The following PLCXD3 variants were observed in gnomAD, a reference collection of about 807,000 sequenced individuals.
The protein encoded by PLCXD3 is phosphatidylinositol specific phospholipase C X domain containing 3, also known as PI-PLC X domain-containing protein 3.
A neutral mutation model predicts 25.5 loss-of-function variants in PLCXD3; 19 were observed. The observed-to-expected ratio is 0.75, with a 90% CI of 0.52 to 1.09. The LOEUF (loss-of-function observed/expected upper bound fraction) is 1.09. Among genes scored for constraint, PLCXD3 ranks in the 50% least tolerant of loss-of-function variants. The pLI, the probability that PLCXD3 is intolerant of heterozygous loss-of-function variation, is 0.00. For missense variants in PLCXD3, 411 were observed against 388.1 expected (o/e 1.06, Z -0.50); for synonymous variants, 174 against 137.6 (o/e 1.26, Z -1.85).
intron 1 of PLCXD3, among the ~76,000 whole-genome samples, chr5:41,488,331 T>C (rs1452105007): frequency 2.3e-5 from 3 of 132,026 alleles, no homozygotes; most frequent in Non-Finnish European, 4.7e-5. Context: ...TCTATCATTG[T>C]TGGACATTTG....
intron 2 of PLCXD3, among the ~76,000 whole-genome samples, chr5:41,364,835 G>A (rs1744890519): frequency 6.6e-6 from 1 of 152,200 alleles, no homozygotes; most frequent in Non-Finnish European, 1.5e-5. Context: ...TACTTCATTT[G>A]ATGTGTACTT....
At chr5:41,393,859 G>A (rs1420772401) in intron 1 of PLCXD3, among the ~76,000 whole-genome samples, 2 of 152,066 alleles carry the variant, frequency 1.3e-5, no homozygotes, top group Admixed American at 6.6e-5. Flanking sequence ...GAACCCAGGA[G>A]GCAGAGCTTG....
chr5:41,363,374 T>C (rs1292275046), intron 2 of PLCXD3, among the ~76,000 whole-genome samples: 1 of 152,190 alleles, frequency 6.6e-6, no homozygotes, highest in African/African-American at 2.4e-5. Context: ...CAGATAATAA[T>C]ATATTTTTTT....
At chr5:41,457,762 A>G (rs1747786387) in intron 1 of PLCXD3, among the ~76,000 whole-genome samples, 1 of 151,910 alleles carries the variant, frequency 6.6e-6, no homozygotes, top group Non-Finnish European at 1.5e-5. Flanking sequence ...CTCATACCAT[A>G]ACAGGTCACC....
chr5:41,426,843 TA>T (rs1349835061), intron 1 of PLCXD3, among the ~76,000 whole-genome samples: 2 of 152,166 alleles, frequency 1.3e-5, no homozygotes, highest in African/African-American at 2.4e-5. Context: ...TCTCAGTTTT[TA>T]TTTTTTCTGA....
At chr5:41,386,462 T>C (rs1171490770) in intron 1 of PLCXD3, among the ~76,000 whole-genome samples, 1 of 152,122 alleles carries the variant, frequency 6.6e-6, no homozygotes, top group Non-Finnish European at 1.5e-5. Context: ...GGTAGGAAGA[T>C]TGCCCCCAAA....
At chr5:41,482,988 T>C (rs1283602654) in intron 1 of PLCXD3, among the ~76,000 whole-genome samples, 1 of 152,230 alleles carries the variant, frequency 6.6e-6, no homozygotes, top group Non-Finnish European at 1.5e-5. Context: ...CAAATGTAAC[T>C]ATTTGAGATA....
Position 41,431,336 on chromosome 5 carries a change from G to C in PLCXD3, c.104-48802C>G, listed in dbSNP as rs189286382. ...CCTCTGAATATACATTAGAGGTTAT[G>C]CTAAGGGTTTGCAAAGTTAAAAGAC... On this transcript the variant is annotated intron_variant, in intron 1 of 2. Coordinates refer to ENST00000377801, the MANE Select transcript of PLCXD3 (RefSeq NM_001005473.3). 3.9e-3 allele frequency among the ~76,000 whole-genome samples: 601 copies of C among 152,286 alleles called. 8 individuals carry two copies. The highest frequency in any genetic ancestry group is 0.014 in the African/African-American group (564 of 41,548).
Position 41,360,480 on chromosome 5 carries a change from GAA to G in PLCXD3, c.812+21344_812+21345del, listed in dbSNP as rs200892613. 6.4e-3 allele frequency among the ~76,000 whole-genome samples: 973 copies of G among 152,262 alleles called. 18 individuals are homozygous for G. The highest frequency in any genetic ancestry group is 0.022 in the African/African-American group (909 of 41,542). ...GTTTTTCTGGTTCCTTCTCATTTGG[GAA>G]GACTATGTCAGAGGGAAGACTTGGG... On this transcript the variant is annotated intron_variant, in intron 2 of 2. Transcript: ENST00000377801.
At chr5:41,373,083 G>T (rs1209483022) in intron 2 of PLCXD3, among the ~76,000 whole-genome samples, 2 of 152,126 alleles carry the variant, frequency 1.3e-5, no homozygotes, top group East Asian at 3.9e-4. Flanking sequence ...TTTTGGCCAT[G>T]ATGGGATGTG....
intron 2 of PLCXD3, among the ~76,000 whole-genome samples, chr5:41,320,528 GCT>G (rs1743435473): frequency 6.6e-6 from 1 of 152,120 alleles, no homozygotes; most frequent in Admixed American, 6.5e-5. Context: ...ACGGAGTCTC[GCT>G]CTGTCGCCCA....
chr5:41,369,967 A>G lies in PLCXD3; in HGVS notation c.812+11859T>C, dbSNP rs1043863510. Among the ~76,000 whole-genome samples the G allele has an allele frequency of 4.6e-5, 7 of 152,322 alleles. No homozygotes were observed. In the East Asian group the frequency reaches 1.2e-3, roughly 25 times the overall value. On this transcript the variant is annotated intron_variant, in intron 2 of 2. Coordinates refer to ENST00000377801, the MANE Select transcript of PLCXD3 (RefSeq NM_001005473.3). Reference sequence around the variant, plus strand: ...TTTCCAAAGGGCAGTCTGTGCTTTTAGCATTCACTAATGAAATCACACATT... The same window carrying G: ...TTTCCAAAGGGCAGTCTGTGCTTTTGGCATTCACTAATGAAATCACACATT...
At chr5:41,445,978 G>C (rs1452400427) in intron 1 of PLCXD3, among the ~76,000 whole-genome samples, 3 of 151,702 alleles carry the variant, frequency 2.0e-5, no homozygotes, top group South Asian at 2.1e-4. Flanking sequence ...ACGAGGTCAG[G>C]GGATCGAGAC....
At chr5:41,318,028 G>A (rs1743352409) in intron 2 of PLCXD3, among the ~76,000 whole-genome samples, 1 of 151,960 alleles carries the variant, frequency 6.6e-6, no homozygotes, top group South Asian at 2.1e-4. Context: ...AGGAGAGCAT[G>A]ACATGACATA....
intron 1 of PLCXD3, among the ~76,000 whole-genome samples, chr5:41,390,055 C>T (rs953450511): frequency 2.0e-5 from 3 of 152,092 alleles, no homozygotes; most frequent in Admixed American, 2.0e-4. Context: ...ATATATCACT[C>T]TAAGTTAGTT....
chr5:41,493,570 G>A (rs1305654370), intron 1 of PLCXD3, among the ~76,000 whole-genome samples: 1 of 152,260 alleles, frequency 6.6e-6, no homozygotes, highest in Admixed American at 6.5e-5. Flanking sequence ...GCCTCCTTGA[G>A]CTGTGGTGGG....
intron 1 of PLCXD3, among the ~76,000 whole-genome samples, chr5:41,387,208 C>T (rs1248510738): frequency 6.6e-6 from 1 of 152,022 alleles, no homozygotes; most frequent in African/African-American, 2.4e-5. Flanking sequence ...TGAGCTCCTA[C>T]AACTCAAGAA....
At chr5:41,496,741 C>T (rs965952749) in intron 1 of PLCXD3, among the ~76,000 whole-genome samples, 5 of 150,386 alleles carry the variant, frequency 3.3e-5, no homozygotes, top group South Asian at 2.1e-4. Flanking sequence ...AATGTAAAAG[C>T]GTAGGTAACT....
intron 2 of PLCXD3, among the ~76,000 whole-genome samples, chr5:41,317,436 C>T (rs959527713): frequency 6.6e-6 from 1 of 152,112 alleles, no homozygotes; most frequent in African/African-American, 2.4e-5. Context: ...AAATGCCTAA[C>T]TCTTCAATGT....
Sources: allele counts gnomAD v4.1 joint callset (sites outside exome capture counted in the v4.1 genomes callset), GRCh38; gene constraint gnomAD v4.1.1; transcripts MANE v1.5; gene names NCBI Gene and HGNC (gene_info 2026-07-23, HGNC 2026-07-21).